SAMD4A: variants seen among roughly 807,000 people sequenced by gnomAD.
SAMD4A encodes the protein sterile alpha motif domain containing 4A.
In SAMD4A, 33 loss-of-function variants were observed where a neutral mutation model predicts 81.3. The ratio of observed to expected loss-of-function variants is 0.41; its 90% CI spans 0.31 to 0.54. The LOEUF (loss-of-function observed/expected upper bound fraction) is 0.54, where lower values mean the gene tolerates loss of function less well. SAMD4A is among the 20% of genes least tolerant of loss of function. SAMD4A has a pLI of 0.37. For synonymous variants in SAMD4A, 389 were observed against 382.1 expected (o/e 1.02, Z -0.21); for missense variants, 854 against 951.1 (o/e 0.90, Z 1.34).
intron 2 of SAMD4A, among the ~76,000 whole-genome samples, chr14:54,658,513 G>C (rs1040071334): frequency 6.0e-4 from 92 of 152,178 alleles, no homozygotes; most frequent in African/African-American, 2.1e-3. Flanking sequence ...CCCACCTCTA[G>C]CTAGGCCCCC....
intron 11 of SAMD4A, among the ~76,000 whole-genome samples, chr14:54,779,190 C>A (rs1182015647): frequency 6.6e-6 from 1 of 152,176 alleles, no homozygotes; most frequent in East Asian, 1.9e-4. Context: ...ATGGAGACTT[C>A]CCGGGGCTTG....
chr14:54,634,030 G>C (rs2034968490), intron 2 of SAMD4A, among the ~76,000 whole-genome samples: 1 of 152,066 alleles, frequency 6.6e-6, no homozygotes, highest in Non-Finnish European at 1.5e-5. Flanking sequence ...GGGTGCGGTG[G>C]CTCACGCCTG....
intron 11 of SAMD4A, among the ~76,000 whole-genome samples, chr14:54,783,668 CAG>C (rs1405317451): frequency 6.6e-6 from 1 of 152,220 alleles, no homozygotes; most frequent in Non-Finnish European, 1.5e-5. Context: ...GCTCTGGAGT[CAG>C]AGAGGGTCTT....
At chr14:54,717,652 A>G (rs1225917806) in intron 3 of SAMD4A, among the ~76,000 whole-genome samples, 1 of 152,002 alleles carries the variant, frequency 6.6e-6, no homozygotes, top group Non-Finnish European at 1.5e-5. Context: ...TGGAATCTCA[A>G]AATATTGTGG....
intron 11 of SAMD4A, among the ~76,000 whole-genome samples, chr14:54,780,486 G>T (rs1271590995): frequency 6.6e-6 from 1 of 152,194 alleles, no homozygotes; most frequent in African/African-American, 2.4e-5. Flanking sequence ...TGTGGAAGGG[G>T]CTGCCATGCA....
intron 2 of SAMD4A, chr14:54,687,995 G>A: frequency 2.0e-6 from 2 of 985,782 alleles, no homozygotes; most frequent in Non-Finnish European, 2.4e-6. Flanking sequence ...GCTGTGCCCA[G>A]TGGACACCTG....
Position 54,685,926 on chromosome 14 carries a change from G to A in SAMD4A, c.197-16136G>A, listed in dbSNP as rs142828531. The stretch of plus-strand genomic sequence containing the variant: ...ATGTTAAATTATCTACCAGTCAGGA[G>A]AGGTTACTTGCTAAACTATCTCTGG... On this transcript the variant is annotated intron_variant, in intron 2 of 12. Coordinates refer to ENST00000554335, the MANE Select transcript of SAMD4A (RefSeq NM_015589.6). 80 of 451,334 alleles carry A rather than the reference G, an allele frequency of 1.8e-4. 1 individual carries two copies. In the East Asian group the frequency reaches 3.3e-3, roughly 19 times the overall value. 28.0% of individuals were successfully genotyped at this position (451,334 alleles called of 1,614,324 possible).
chr14:54,729,978 A>G (rs556386307), intron 3 of SAMD4A, among the ~76,000 whole-genome samples: 7 of 152,326 alleles, frequency 4.6e-5, no homozygotes, highest in African/African-American at 1.2e-4. Flanking sequence ...TTTCTACTGG[A>G]TGACACCCAG....
At chr14:54,623,836 G>T (rs1230277347) in intron 2 of SAMD4A, among the ~76,000 whole-genome samples, 1 of 152,122 alleles carries the variant, frequency 6.6e-6, no homozygotes, top group Non-Finnish European at 1.5e-5. Flanking sequence ...ATGGACTATG[G>T]CTGCCCAGGG....
At chr14:54,575,505 C>T (rs555161658) in intron 2 of SAMD4A, among the ~76,000 whole-genome samples, 3 of 152,180 alleles carry the variant, frequency 2.0e-5, no homozygotes, top group South Asian at 2.1e-4. Context: ...TTAGCTCTGG[C>T]GGTGGGACCT....
At chr14:54,687,427 T>C (rs924286143) in intron 2 of SAMD4A, 3 of 429,700 alleles carry the variant, frequency 7.0e-6, no homozygotes, top group African/African-American at 4.2e-5. Flanking sequence ...CCCTGATTAG[T>C]TAGCTGTGTT....
At chr14:54,723,015 T>C (rs1277133478) in intron 3 of SAMD4A, among the ~76,000 whole-genome samples, 2 of 152,178 alleles carry the variant, frequency 1.3e-5, no homozygotes, top group Admixed American at 1.3e-4. Flanking sequence ...TGGTACCTTG[T>C]GAGTCAGTGT....
At chr14:54,708,883 A>G (rs561777268) in intron 3 of SAMD4A, among the ~76,000 whole-genome samples, 2 of 152,336 alleles carry the variant, frequency 1.3e-5, no homozygotes, top group African/African-American at 4.8e-5. Flanking sequence ...GATTGGAGGT[A>G]AGAGGGAGAC....
chr14:54,754,833 A>G lies in SAMD4A; in HGVS notation c.1176+3296A>G, dbSNP rs191558240. 89 of 988,044 alleles carry G rather than the reference A, an allele frequency of 9.0e-5. No homozygotes were observed. The East Asian group carries it at 6.0e-3, about 67-fold the overall frequency. The allele number at this position is 988,044 out of a possible 1,614,324, so 61.2% of individuals were successfully genotyped here. On this transcript the variant is annotated intron_variant, in intron 6 of 12. Transcript: ENST00000554335. Reference sequence around the variant, plus strand: ...TTCTGTGTGCAGAGCTCTTTTGTTCAGTTACTGAACCCTTATCAAGCAGCT... The same window carrying G: ...TTCTGTGTGCAGAGCTCTTTTGTTCGGTTACTGAACCCTTATCAAGCAGCT...
chr14:54,691,150 C>G (rs1371469944), intron 2 of SAMD4A, among the ~76,000 whole-genome samples: 2 of 152,208 alleles, frequency 1.3e-5, no homozygotes, highest in Non-Finnish European at 2.9e-5. Context: ...CTGGGCCTTT[C>G]TGCTCCCCCT....
At chr14:54,649,791 T>C (rs1000504830) in intron 2 of SAMD4A, among the ~76,000 whole-genome samples, 15 of 152,262 alleles carry the variant, frequency 9.9e-5, no homozygotes, top group Admixed American at 5.9e-4. Flanking sequence ...AGGAACTTTT[T>C]CTAATTTTTC....
At chr14:54,786,005 T>C (rs947288706) in intron 12 of SAMD4A, among the ~76,000 whole-genome samples, 3 of 152,240 alleles carry the variant, frequency 2.0e-5, no homozygotes, top group South Asian at 2.1e-4. Flanking sequence ...CTGGTACCTC[T>C]GGCAGGAGGT....
intron 3 of SAMD4A, among the ~76,000 whole-genome samples, chr14:54,717,440 CAAA>C (rs921636353): frequency 1.3e-4 from 13 of 98,824 alleles, no homozygotes; most frequent in Admixed American, 3.3e-4. Flanking sequence ...GACCCTGTCT[CAAA>C]AAAAAAAAAA....
At chr14:54,657,907 TGAAAATATCTTTAACA>T (rs2035557349) in intron 2 of SAMD4A, among the ~76,000 whole-genome samples, 1 of 152,214 alleles carries the variant, frequency 6.6e-6, no homozygotes, top group Non-Finnish European at 1.5e-5. Context: ...TCTGTAGGTG[TGAAAATATCTTTAACA>T]GCCACAGAGC....
Sources: allele counts gnomAD v4.1 joint callset (sites outside exome capture counted in the v4.1 genomes callset), GRCh38; gene constraint gnomAD v4.1.1; transcripts MANE v1.5; gene names NCBI Gene and HGNC (gene_info 2026-07-23, HGNC 2026-07-21).